Variants in FAF1 observed in about 807,000 individuals in gnomAD.
FAF1 encodes Fas associated factor 1, also known as FAS-associated factor 1.
In FAF1, 25 loss-of-function variants were observed where a neutral mutation model predicts 92.5. That is an observed-to-expected ratio of 0.27 (90% CI 0.20 to 0.38). The LOEUF (loss-of-function observed/expected upper bound fraction) is 0.38, where lower values mean the gene tolerates loss of function less well. Among genes scored for constraint, FAF1 ranks in the 10% least tolerant of loss-of-function variants. FAF1 has a pLI of 1.00. For synonymous variants in FAF1, 234 were observed against 273.2 expected (o/e 0.86, Z 1.42); for missense variants, 636 against 793.3 (o/e 0.80, Z 2.38).
At chr1:50,772,732 A>T (rs143744520) in intron 4 of FAF1, among the ~76,000 whole-genome samples, 2 of 152,302 alleles carry the variant, frequency 1.3e-5, no homozygotes, top group Non-Finnish European at 2.9e-5. Flanking sequence ...TGAAGATCAA[A>T]AAAACTACCT....
chr1:50,878,475 C>T (rs768430747), intron 1 of FAF1, among the ~76,000 whole-genome samples: 10 of 152,120 alleles, frequency 6.6e-5, no homozygotes, highest in Non-Finnish European at 1.0e-4. Context: ...CACCCTAAGA[C>T]CTAGAGCTAA....
intron 18 of FAF1, among the ~76,000 whole-genome samples, chr1:50,442,355 T>C (rs1439479309): frequency 1.3e-5 from 2 of 152,086 alleles, no homozygotes; most frequent in Non-Finnish European, 2.9e-5. Flanking sequence ...TTAGAAAGAC[T>C]CTACTTTAAA....
At chr1:50,866,992 T>A (rs1644487057) in intron 1 of FAF1, among the ~76,000 whole-genome samples, 1 of 152,038 alleles carries the variant, frequency 6.6e-6, no homozygotes, top group African/African-American at 2.4e-5. Context: ...AAAATAGGCA[T>A]ATAGACCAAT....
chr1:50,717,630 T>A (rs892196480), intron 6 of FAF1, among the ~76,000 whole-genome samples: 3 of 152,164 alleles, frequency 2.0e-5, no homozygotes, highest in Non-Finnish European at 4.4e-5. Context: ...CAAATTGAAA[T>A]CTCACTCACT....
chr1:50,699,517 T>C (rs907811577), intron 7 of FAF1, among the ~76,000 whole-genome samples: 23 of 152,078 alleles, frequency 1.5e-4, no homozygotes, highest in Non-Finnish European at 2.6e-4. Context: ...ATCTAGAGAT[T>C]TGCAAAAAAT....
At chr1:50,490,469 AGAAGGAAG>A (rs1351147362) in intron 17 of FAF1, 111 bp downstream of exon 17, 4 of 609,952 alleles carry the variant, frequency 6.6e-6, no homozygotes, top group African/African-American at 4.7e-5. Flanking sequence ...GGAAAAAGAA[AGAAGGAAG>A]GAAGGAAGGA....
intron 6 of FAF1, among the ~76,000 whole-genome samples, chr1:50,727,872 G>A (rs990938771): frequency 1.3e-5 from 2 of 152,108 alleles, no homozygotes. Flanking sequence ...TTACACTAGT[G>A]GTTTGCCAGG....
intron 3 of FAF1, among the ~76,000 whole-genome samples, chr1:50,788,855 G>A (rs766248137): frequency 5.3e-5 from 8 of 151,948 alleles, no homozygotes; most frequent in Non-Finnish European, 1.2e-4. Flanking sequence ...TGTTTGAGAT[G>A]GGGTCTCTCT....
chr1:50,832,974 G>A (rs921819149), intron 2 of FAF1, among the ~76,000 whole-genome samples: 4 of 152,104 alleles, frequency 2.6e-5, no homozygotes, highest in African/African-American at 9.7e-5. Context: ...GCGAAGACAG[G>A]ATCTGCAGAG....
intron 1 of FAF1, among the ~76,000 whole-genome samples, chr1:50,866,741 A>G (rs773212803): frequency 1.3e-5 from 2 of 152,184 alleles, no homozygotes; most frequent in Non-Finnish European, 2.9e-5. Context: ...TAGAATCAAT[A>G]CTAGAAAGAT....
At chr1:50,543,890 A>C (rs1268963073) in intron 13 of FAF1, among the ~76,000 whole-genome samples, 1 of 152,202 alleles carries the variant, frequency 6.6e-6, no homozygotes, top group Non-Finnish European at 1.5e-5. Flanking sequence ...AACTAAAATC[A>C]CTATTTTCTT....
At chr1:50,650,222 T>C (rs1654794876) in intron 8 of FAF1, among the ~76,000 whole-genome samples, 1 of 142,316 alleles carries the variant, frequency 7.0e-6, no homozygotes, top group Non-Finnish European at 1.5e-5. Flanking sequence ...AAGCAGAGGC[T>C]GCGGTGAGCC....
intron 6 of FAF1, among the ~76,000 whole-genome samples, chr1:50,730,267 T>C (rs775900710): frequency 6.6e-5 from 10 of 152,126 alleles, no homozygotes; most frequent in Non-Finnish European, 1.2e-4. Context: ...TCATTGTTTA[T>C]TTTGAAATAA....
At chr1:50,923,152 C>T (rs576700379) in intron 1 of FAF1, among the ~76,000 whole-genome samples, 17 of 152,278 alleles carry the variant, frequency 1.1e-4, no homozygotes, top group East Asian at 1.9e-4. Flanking sequence ...AGTGCAATAA[C>T]GCACACCTAT....
chr1:50,913,917 T>G (rs1322914154), intron 1 of FAF1, among the ~76,000 whole-genome samples: 1 of 152,158 alleles, frequency 6.6e-6, no homozygotes, highest in African/African-American at 2.4e-5. Flanking sequence ...ATGACCAAAT[T>G]GGTTTTTCAG....
intron 8 of FAF1, among the ~76,000 whole-genome samples, chr1:50,640,176 C>T (rs1286713295): frequency 6.6e-6 from 1 of 151,912 alleles, no homozygotes; most frequent in South Asian, 2.1e-4. Flanking sequence ...ATAAATGTAA[C>T]AGCAGCCTCA....
intron 2 of FAF1, among the ~76,000 whole-genome samples, chr1:50,835,675 T>C (rs917738515): frequency 2.6e-5 from 4 of 152,012 alleles, no homozygotes; most frequent in Non-Finnish European, 4.4e-5. Flanking sequence ...ACACGGTAGC[T>C]GCTGAAAGAA....
intron 13 of FAF1, among the ~76,000 whole-genome samples, chr1:50,559,277 T>A (rs1411269383): frequency 1.3e-5 from 2 of 152,312 alleles, no homozygotes; most frequent in East Asian, 3.9e-4. Context: ...ATAATCTGTT[T>A]TAAGAATGTT....
chr1:50,880,631 A>T (rs1328612811), intron 1 of FAF1, among the ~76,000 whole-genome samples: 1 of 152,196 alleles, frequency 6.6e-6, no homozygotes, highest in South Asian at 2.1e-4. Context: ...GCTAGAAATG[A>T]TATCATGTGA....
Sources: gnomAD v4.1 joint callset for allele counts (sites outside exome capture counted in the v4.1 genomes callset) on GRCh38, gnomAD v4.1.1 for gene constraint, MANE v1.5 for transcripts, NCBI Gene and HGNC (gene_info 2026-07-23, HGNC 2026-07-21) for gene names.